The following SEMA3D variants were observed in gnomAD, a reference collection of about 807,000 sequenced individuals.
SEMA3D encodes semaphorin-3D.
SEMA3D carries 84 observed loss-of-function variants against 100.1 expected under a neutral mutation model. That is an observed-to-expected ratio of 0.84 (90% CI 0.70 to 1.01). The LOEUF is 1.01. Ranked by LOEUF, SEMA3D falls within the 50% of genes least tolerant of loss-of-function variation. The probability of loss-of-function intolerance (pLI) is 0.00; values close to 1 mark genes in which losing one functional copy is unlikely to be tolerated. For synonymous variants in SEMA3D, 312 were observed against 320.7 expected (o/e 0.97, Z 0.29); for missense variants, 875 against 934.1 (o/e 0.94, Z 0.82).
In SEMA3D at chr7:85,040,633, A is replaced by G. The variant is rs201794529; in HGVS notation, c.1046+40T>C. On this transcript the variant is annotated intron_variant, in intron 11 of 18. Transcript: ENST00000284136. ...TAACTATATTGGCTTGCATACATAT[A>G]CAATTCTCTGAAGCATTAAAAGCAT... The G allele has an allele frequency of 1.7e-4, 163 of 987,776 alleles. No homozygotes were observed. The East Asian group carries it at 3.6e-3, about 22-fold the overall frequency. 61.2% of individuals were successfully genotyped at this position (987,776 alleles called of 1,614,324 possible).
At chr7:85,249,149 C>T in the SEMA3D span, among the ~76,000 whole-genome samples, 1 of 152,098 alleles carries the variant, frequency 6.6e-6, no homozygotes, top group African/African-American at 2.4e-5. Context: ...AAACTATAGT[C>T]TTTTTAAGTG....
At chr7:85,188,753 A>G (rs1791629705), upstream of SEMA3D, among the ~76,000 whole-genome samples, 1 of 152,182 alleles carries the variant, frequency 6.6e-6, no homozygotes, top group Non-Finnish European at 1.5e-5. Flanking sequence ...TTTAAGTTGT[A>G]GCTTAATATG....
At chr7:85,192,046 A>G (rs1562850953), upstream of SEMA3D, among the ~76,000 whole-genome samples, 1 of 152,124 alleles carries the variant, frequency 6.6e-6, no homozygotes, top group Non-Finnish European at 1.5e-5. Context: ...TAAAGCATTT[A>G]AGATAATAGT....
intron 13 of SEMA3D, among the ~76,000 whole-genome samples, chr7:85,020,817 A>G (rs1340986569): frequency 6.6e-6 from 1 of 151,580 alleles, no homozygotes; most frequent in African/African-American, 2.4e-5. Context: ...TCTGAGGGAA[A>G]TTGTAGCTCA....
At chr7:85,241,465 G>GTGTGTA in the SEMA3D span, among the ~76,000 whole-genome samples, 1 of 57,696 alleles carries the variant, frequency 1.7e-5, no homozygotes, top group Non-Finnish European at 2.8e-5. Flanking sequence ...AACTGTGTGT[G>GTGTGTA]TGTATATATA....
intron 8 of SEMA3D, 79 bp downstream of exon 8, chr7:85,065,345 T>G: frequency 2.3e-6 from 3 of 1,279,020 alleles, no homozygotes; most frequent in Non-Finnish European, 3.3e-6. Flanking sequence ...AAAACACATT[T>G]GAATGAATAA....
chr7:85,065,424 C>T lies in SEMA3D; in HGVS notation c.718G>A (p.Gly240Arg), dbSNP rs1791588331. The change falls in exon 8 of 19, where the codon GGA becomes AGA. Residue 240 changes from glycine to arginine, a missense_variant and splice_region_variant. Transcript: ENST00000284136. ...TDISEHYWLNGAKFIGTFFIP... is the reference protein window; with the variant it reads ...TDISEHYWLNRAKFIGTFFIP... ...AAGTAAACAAAAAAAAATCACAAAC[C>T]ATTGAGCCAGTAGTGCTCTGAAATG... 1.2e-6 allele frequency: 2 copies of T among 1,612,088 alleles called. No individual in the cohort carries two copies. The highest frequency in any genetic ancestry group is 1.7e-6 in the Non-Finnish European group (2 of 1,178,982).
the SEMA3D span, among the ~76,000 whole-genome samples, chr7:85,204,001 A>T: frequency 2.0e-4 from 31 of 152,146 alleles, 1 homozygote; most frequent in Admixed American, 1.8e-3. Context: ...AATGAGGGGA[A>T]GATTCAAGTA....
chr7:85,214,913 T>A, the SEMA3D span, among the ~76,000 whole-genome samples: 1 of 152,180 alleles, frequency 6.6e-6, no homozygotes, highest in Non-Finnish European at 1.5e-5. Context: ...GGGTTCTTTT[T>A]GGCCTCTTCA....
At chr7:85,157,256 A>G (rs1268391160) in intron 1 of SEMA3D, among the ~76,000 whole-genome samples, 1 of 152,244 alleles carries the variant, frequency 6.6e-6, no homozygotes, top group Non-Finnish European at 1.5e-5. Context: ...AATTATGTTA[A>G]CAATATCAAA....
the SEMA3D span, among the ~76,000 whole-genome samples, chr7:85,198,828 T>G: frequency 2.5e-5 from 3 of 120,548 alleles, no homozygotes; most frequent in African/African-American, 9.8e-5. Context: ...ATTTTCTTTT[T>G]GCTCCTTTTT....
the SEMA3D span, among the ~76,000 whole-genome samples, chr7:85,237,882 TC>T: frequency 3.3e-5 from 5 of 152,176 alleles, no homozygotes; most frequent in African/African-American, 1.2e-4. Context: ...TTCATTCTCA[TC>T]CCCAATGAAT....
chr7:85,098,322 A>T (rs1224437255), intron 3 of SEMA3D, among the ~76,000 whole-genome samples: 1 of 151,880 alleles, frequency 6.6e-6, no homozygotes, highest in Non-Finnish European at 1.5e-5. Flanking sequence ...ATTAAAATGA[A>T]TAAAAAACAT....
At chr7:85,037,569 C>T (rs1411181237) in intron 11 of SEMA3D, among the ~76,000 whole-genome samples, 1 of 152,014 alleles carries the variant, frequency 6.6e-6, no homozygotes, top group Admixed American at 6.6e-5. Flanking sequence ...TATCCATAAA[C>T]ATTAGTTGCT....
intron 3 of SEMA3D, among the ~76,000 whole-genome samples, chr7:85,117,463 A>T (rs1460856797): frequency 6.6e-6 from 1 of 152,188 alleles, no homozygotes; most frequent in African/African-American, 2.4e-5. Flanking sequence ...GCCATAACAA[A>T]ACCTAAAACC....
chr7:85,005,027 G>C (rs761600744), intron 18 of SEMA3D, among the ~76,000 whole-genome samples: 1 of 151,800 alleles, frequency 6.6e-6, no homozygotes, highest in Non-Finnish European at 1.5e-5. Context: ...ACAGGCAAAT[G>C]TAAGTATCTA....
At chr7:85,050,840 C>T in intron 9 of SEMA3D, 1 of 429,230 alleles carries the variant, frequency 2.3e-6, no homozygotes, top group Non-Finnish European at 4.2e-6. Context: ...AACTAACCTG[C>T]CCCTAACACT....
intron 11 of SEMA3D, among the ~76,000 whole-genome samples, chr7:85,038,051 TGGGGGGGAGGGG>T (rs1790751868): frequency 8.2e-4 from 2 of 2,428 alleles, no homozygotes; most frequent in Non-Finnish European, 1.8e-3. Context: ...TGTTGTGGGG[TGGGGGGGAGGGG>T]GGAGGGACAG....
intron 9 of SEMA3D, among the ~76,000 whole-genome samples, chr7:85,051,327 A>G (rs1010525941): frequency 1.3e-5 from 2 of 151,876 alleles, no homozygotes; most frequent in African/African-American, 4.8e-5. Context: ...TGCAAAATCT[A>G]ATACCTAGTC....
Sources: gnomAD v4.1 joint callset for allele counts (sites outside exome capture counted in the v4.1 genomes callset) on GRCh38, gnomAD v4.1.1 for gene constraint, MANE v1.5 for transcripts, NCBI Gene and HGNC (gene_info 2026-07-23, HGNC 2026-07-21) for gene names.